The following IGSF11 variants were observed in gnomAD, a reference collection of about 807,000 sequenced individuals.
IGSF11 encodes immunoglobulin superfamily member 11.
In IGSF11, 22 loss-of-function variants were observed where a neutral mutation model predicts 41.0. That is an observed-to-expected ratio of 0.54 (90% CI 0.38 to 0.77). IGSF11 has a LOEUF of 0.77. Among genes scored for constraint, IGSF11 ranks in the 30% least tolerant of loss-of-function variants. The pLI is 0.00. For missense variants in IGSF11, 444 were observed against 530.8 expected (o/e 0.84, Z 1.61); for synonymous variants, 219 against 201.3 (o/e 1.09, Z -0.74).
intron 1 of IGSF11, among the ~76,000 whole-genome samples, chr3:119,116,345 G>C (rs997046613): frequency 6.6e-6 from 1 of 151,984 alleles, no homozygotes; most frequent in African/African-American, 2.4e-5. Flanking sequence ...TGGTTCTCAG[G>C]CCTTTGAACT....
Position 119,030,924 on chromosome 3 carries a change from G to A in IGSF11, c.52+3607C>T, listed in dbSNP as rs941648173. Among the ~76,000 whole-genome samples, 5 of 152,258 alleles carry A rather than the reference G, an allele frequency of 3.3e-5. 1 individual carries two copies. The highest frequency in any genetic ancestry group is 1.9e-4 in the East Asian group (1 of 5,184). Reference sequence around the variant, plus strand: ...GAGAGAGTATAAAAAATTGTCATTAGTCTAGATAACAATAGATGTGGAATC... The same window carrying A: ...GAGAGAGTATAAAAAATTGTCATTAATCTAGATAACAATAGATGTGGAATC... On this transcript the variant is annotated intron_variant, in intron 1 of 6. Transcript: ENST00000393775.
chr3:118,988,349 T>C (rs984276712), intron 1 of IGSF11, among the ~76,000 whole-genome samples: 1 of 152,048 alleles, frequency 6.6e-6, no homozygotes, highest in African/African-American at 2.4e-5. Context: ...TAGAGATAAT[T>C]CAGTCTGGAA....
intron 1 of IGSF11, among the ~76,000 whole-genome samples, chr3:118,990,650 T>C (rs2107651562): frequency 6.6e-6 from 1 of 152,360 alleles, no homozygotes; most frequent in Non-Finnish European, 1.5e-5. Flanking sequence ...CCACATTTTA[T>C]GTACAGAGCA....
rs78225247 is a variant in IGSF11, at chr3:118,973,478, C to A, written c.53-43203G>T. Among the ~76,000 whole-genome samples, 16 of 152,330 alleles carry A rather than the reference C, an allele frequency of 1.1e-4. No homozygotes were observed. The East Asian group carries it at 3.1e-3, about 29-fold the overall frequency. Reference sequence around the variant, plus strand: ...AGTGAAATAAAAACCCAACTCATTTCTCTAACCTGACTTGTCTGAGTTCCC... The same window carrying A: ...AGTGAAATAAAAACCCAACTCATTTATCTAACCTGACTTGTCTGAGTTCCC... On this transcript the variant is annotated intron_variant, in intron 1 of 6. Coordinates refer to ENST00000393775, the MANE Select transcript of IGSF11 (RefSeq NM_001015887.3).
intron 1 of IGSF11, among the ~76,000 whole-genome samples, chr3:119,141,042 T>TAAAAAAACAAAAAA (rs2077641090): frequency 1.0e-5 from 1 of 99,782 alleles, no homozygotes. Flanking sequence ...TCTGTCTCAT[T>TAAAAAAACAAAAAA]AAAAAAAAAA....
intron 1 of IGSF11, among the ~76,000 whole-genome samples, chr3:119,080,971 T>C (rs1426458463): frequency 6.6e-6 from 1 of 152,162 alleles, no homozygotes; most frequent in African/African-American, 2.4e-5. Flanking sequence ...TATTGTTTTT[T>C]TTTCAATGTA....
At chr3:119,034,476 C>T in intron 1 of IGSF11, 55 bp downstream of exon 1, 1 of 1,446,930 alleles carries the variant, frequency 6.9e-7, no homozygotes, top group Non-Finnish European at 9.2e-7. Context: ...AGCTTCGCCC[C>T]GGGCCCGCCG....
intron 1 of IGSF11, among the ~76,000 whole-genome samples, chr3:119,110,743 C>T (rs935612204): frequency 1.1e-4 from 17 of 151,976 alleles, no homozygotes; most frequent in African/African-American, 3.9e-4. Context: ...TGTTCCTTTC[C>T]ATGTTTAGTG....
intron 1 of IGSF11, among the ~76,000 whole-genome samples, chr3:118,968,446 G>A (rs1932966121): frequency 1.3e-5 from 2 of 152,120 alleles, no homozygotes; most frequent in African/African-American, 2.4e-5. Context: ...CCTTAATATC[G>A]AATTAAAAAA....
chr3:118,920,702 C>T (rs1941688927), intron 4 of IGSF11, among the ~76,000 whole-genome samples: 1 of 152,036 alleles, frequency 6.6e-6, no homozygotes, highest in Admixed American at 6.6e-5. Context: ...AGAAAATTGG[C>T]ATAATTATAA....
At position 118,928,172 on chromosome 3, in the gene IGSF11, A is replaced by G. The variant is rs950202620; in HGVS notation, c.424+337T>C. Among the ~76,000 whole-genome samples, 5 of 152,344 alleles carry G rather than the reference A, an allele frequency of 3.3e-5. 1 individual carries two copies. The highest frequency in any genetic ancestry group is 1.9e-4 in the East Asian group (1 of 5,186). On this transcript the variant is annotated intron_variant, in intron 3 of 6. Transcript: ENST00000393775. ...TAAAACTTCTGCTCTGTACTAAAAT[A>G]AGTCATTCTTGATTTAATTTGCTCT...
intron 1 of IGSF11, among the ~76,000 whole-genome samples, chr3:119,049,565 C>G (rs1311405816): frequency 1.3e-5 from 2 of 150,720 alleles, no homozygotes; most frequent in African/African-American, 4.8e-5. Flanking sequence ...TGAAAATGGC[C>G]ATACTGCCCA....
chr3:118,960,470 A>G (rs962838383), intron 1 of IGSF11, among the ~76,000 whole-genome samples: 17 of 152,246 alleles, frequency 1.1e-4, no homozygotes, highest in Admixed American at 7.9e-4. Context: ...GTATTTTATC[A>G]TATACGTATG....
chr3:118,924,750 C>G (rs1457212713), intron 4 of IGSF11, among the ~76,000 whole-genome samples: 1 of 151,928 alleles, frequency 6.6e-6, no homozygotes, highest in East Asian at 1.9e-4. Flanking sequence ...CTTAAAATTC[C>G]AAACTCCAAC....
chr3:118,933,259 G>A (rs1942996145), intron 1 of IGSF11, among the ~76,000 whole-genome samples: 1 of 151,090 alleles, frequency 6.6e-6, no homozygotes, highest in Non-Finnish European at 1.5e-5. Flanking sequence ...TTAGCTGCAT[G>A]TCCCCAAACA....
At chr3:118,984,657 A>C (rs1025959062) in intron 1 of IGSF11, among the ~76,000 whole-genome samples, 1 of 152,168 alleles carries the variant, frequency 6.6e-6, no homozygotes, top group African/African-American at 2.4e-5. Context: ...GGTTACCATA[A>C]ATCTCAATAT....
intron 1 of IGSF11, among the ~76,000 whole-genome samples, chr3:119,085,956 C>A (rs571074139): frequency 6.6e-6 from 1 of 152,312 alleles, no homozygotes; most frequent in Admixed American, 6.5e-5. Context: ...CTGAGCAAAG[C>A]GGCTCTAAGG....
chr3:119,029,630 A>C (rs1156914744), intron 1 of IGSF11, among the ~76,000 whole-genome samples: 1 of 152,220 alleles, frequency 6.6e-6, no homozygotes, highest in African/African-American at 2.4e-5. Flanking sequence ...AGAATCATTA[A>C]GGGGAATACA....
chr3:118,904,673 C>A lies in IGSF11; in HGVS notation c.829G>T (p.Glu277Ter). 1 of 1,610,172 alleles carries A rather than the reference C, an allele frequency of 6.2e-7. No homozygotes were observed. Among genetic ancestry groups the A allele is most frequent in the South Asian group, 1.1e-5 (1 of 90,112 alleles). Residue 277 changes from glutamate (E) to a stop codon, truncating the protein, a stop_gained, in exon 6 of 7, where the codon GAA (glutamate) becomes TAA (stop). Coordinates refer to ENST00000393775, the MANE Select transcript of IGSF11 (RefSeq NM_001015887.3). LOFTEE classifies it high-confidence loss of function. ...YWRSKNKEEE[E>*]EEIPNEIRED... The stretch of plus-strand genomic sequence containing the variant: ...CTTATTTCATTAGGAATTTCTTCTT[C>A]TTCCTCCTCTTTATTTTTGCTTCTC...
Sources: gnomAD v4.1 joint callset for allele counts (sites outside exome capture counted in the v4.1 genomes callset) on GRCh38, gnomAD v4.1.1 for gene constraint, MANE v1.5 for transcripts, NCBI Gene and HGNC (gene_info 2026-07-23, HGNC 2026-07-21) for gene names.